Variants in TENM3 observed in about 807,000 individuals in gnomAD.
TENM3 encodes teneurin transmembrane protein 3, also known as teneurin-3.
A neutral mutation model predicts 255.1 loss-of-function variants in TENM3; 63 were observed. The ratio of observed to expected loss-of-function variants is 0.25; its 90% CI spans 0.20 to 0.30. TENM3 has a LOEUF of 0.30. TENM3 is among the 10% of genes least tolerant of loss of function. TENM3 has a pLI of 1.00. For synonymous variants in TENM3, 1,306 were observed against 1,322.3 expected (o/e 0.99, Z 0.27); for missense variants, 2,929 against 3,461.1 (o/e 0.85, Z 3.86).
the TENM3 span, among the ~76,000 whole-genome samples, chr4:181,885,787 G>A: frequency 6.6e-6 from 1 of 152,056 alleles, no homozygotes; most frequent in Admixed American, 6.5e-5. Context: ...GTTCTATTAG[G>A]TATACCTATA....
the TENM3 span, among the ~76,000 whole-genome samples, chr4:181,910,786 A>G: frequency 6.6e-6 from 1 of 151,672 alleles, no homozygotes; most frequent in Non-Finnish European, 1.5e-5. Context: ...CTCACTTTTT[A>G]CCCTTAATAC....
At chr4:181,478,781 CAT>C in the TENM3 span, among the ~76,000 whole-genome samples, 3 of 152,170 alleles carry the variant, frequency 2.0e-5, no homozygotes, top group African/African-American at 7.2e-5. Context: ...TGCCATTCCA[CAT>C]GTCCTTTTCT....
chr4:181,952,925 T>C, the TENM3 span, among the ~76,000 whole-genome samples: 43 of 152,348 alleles, frequency 2.8e-4, no homozygotes, highest in African/African-American at 1.0e-3. Context: ...TAGGCCTTTC[T>C]GTCCTGGGCC....
chr4:182,784,739 C>T (rs1282593498), intron 24 of TENM3, among the ~76,000 whole-genome samples: 18 of 151,990 alleles, frequency 1.2e-4, no homozygotes, highest in African/African-American at 2.7e-4. Context: ...CAGCCAGGTG[C>T]GGGATATAAT....
the TENM3 span, among the ~76,000 whole-genome samples, chr4:182,007,574 T>C: frequency 6.6e-6 from 1 of 152,230 alleles, no homozygotes; most frequent in South Asian, 2.1e-4. Context: ...TCCATTTGCT[T>C]GGTAAATTTT....
At chr4:181,453,797 ACAGT>A in the TENM3 span, among the ~76,000 whole-genome samples, 1 of 152,136 alleles carries the variant, frequency 6.6e-6, no homozygotes, top group African/African-American at 2.4e-5. Flanking sequence ...ATTTTTTATG[ACAGT>A]CAGGTCTTCA....
intron 1 of TENM3, among the ~76,000 whole-genome samples, chr4:182,246,946 G>A (rs915283215): frequency 4.6e-5 from 7 of 152,220 alleles, no homozygotes; most frequent in African/African-American, 1.7e-4. Flanking sequence ...GATTGAGGTG[G>A]ATCACGAGGG....
the TENM3 span, among the ~76,000 whole-genome samples, chr4:181,702,484 G>A: frequency 6.6e-6 from 1 of 152,134 alleles, no homozygotes; most frequent in African/African-American, 2.4e-5. Context: ...ATGGTACTTA[G>A]TACAGGGGAA....
the TENM3 span, among the ~76,000 whole-genome samples, chr4:181,537,016 C>A: frequency 6.6e-6 from 1 of 152,004 alleles, no homozygotes; most frequent in South Asian, 2.1e-4. Flanking sequence ...GTAAGACTTC[C>A]CTTTAACGAG....
chr4:182,704,741 A>T (rs572897604), intron 12 of TENM3, among the ~76,000 whole-genome samples: 1 of 152,254 alleles, frequency 6.6e-6, no homozygotes, highest in South Asian at 2.1e-4. Context: ...GTTTATTTGA[A>T]GCAAATTTTT....
intron 1 of TENM3, among the ~76,000 whole-genome samples, chr4:182,315,299 A>T (rs1259616298): frequency 1.3e-5 from 2 of 151,798 alleles, no homozygotes; most frequent in Non-Finnish European, 2.9e-5. Flanking sequence ...CTTCCTTTAC[A>T]TTTTTTTGTA....
intron 1 of TENM3, among the ~76,000 whole-genome samples, chr4:182,165,811 T>C (rs1055162226): frequency 6.6e-6 from 1 of 152,178 alleles, no homozygotes; most frequent in African/African-American, 2.4e-5. Context: ...AGTCTCGCTC[T>C]GTCATCCAGG....
rs202149375 is a variant in TENM3 at position 182,168,710 on chromosome 4, T to A, written c.-76+23956T>A. On this transcript the variant is annotated intron_variant, in intron 1 of 2. Transcript: ENST00000512480. ...ATACTGTATATAAAAGTTTAAGATG[T>A]AACTTTAAATGAACATGAATTATAG... 5.9e-5 allele frequency among the ~76,000 whole-genome samples: 9 copies of A among 152,350 alleles called. No homozygotes were observed. The East Asian group carries it at 1.5e-3, about 26-fold the overall frequency.
At chr4:182,159,613 A>G (rs1261177330) in intron 1 of TENM3, among the ~76,000 whole-genome samples, 1 of 152,084 alleles carries the variant, frequency 6.6e-6, no homozygotes, top group Non-Finnish European at 1.5e-5. Flanking sequence ...CTAGAATCTT[A>G]CTTTTAATTA....
At chr4:182,732,510 A>G (rs1284648785) in intron 16 of TENM3, among the ~76,000 whole-genome samples, 1 of 152,194 alleles carries the variant, frequency 6.6e-6, no homozygotes, top group Non-Finnish European at 1.5e-5. Flanking sequence ...TCAGATCTTA[A>G]AAGTAGGATG....
At chr4:182,625,279 T>C (rs968108259) in intron 4 of TENM3, among the ~76,000 whole-genome samples, 1 of 152,128 alleles carries the variant, frequency 6.6e-6, no homozygotes, top group Admixed American at 6.5e-5. Flanking sequence ...TGTTAGGAAC[T>C]GGGCCACACA....
chr4:182,161,006 C>T (rs931532265), intron 1 of TENM3, among the ~76,000 whole-genome samples: 8 of 152,164 alleles, frequency 5.3e-5, no homozygotes, highest in African/African-American at 1.9e-4. Context: ...GCAGGCCAGG[C>T]GTGGTGGCTC....
chr4:182,468,824 T>TTGTGTGTG (rs66517986), intron 3 of TENM3, among the ~76,000 whole-genome samples: 4,100 of 143,762 alleles, frequency 0.029, 107 homozygotes, highest in Non-Finnish European at 0.043. Flanking sequence ...TCCTGTGTGC[T>TTGTGTGTG]TGTGTGTGTG....
the TENM3 span, among the ~76,000 whole-genome samples, chr4:181,736,155 G>T: frequency 6.6e-6 from 1 of 152,022 alleles, no homozygotes; most frequent in African/African-American, 2.4e-5. Context: ...TAAATTAGCC[G>T]GGCGTGGTGG....
Sources: gnomAD v4.1 joint callset for allele counts (sites outside exome capture counted in the v4.1 genomes callset) on GRCh38, gnomAD v4.1.1 for gene constraint, MANE v1.5 for transcripts, NCBI Gene and HGNC (gene_info 2026-07-23, HGNC 2026-07-21) for gene names.